Variants in BNC2 observed in about 807,000 individuals in gnomAD.
BNC2 encodes zinc finger protein basonuclin-2.
Under a neutral mutation model 76.3 loss-of-function variants are expected in BNC2, and 20 were observed. The observed-to-expected ratio is 0.26, with a 90% CI of 0.18 to 0.38. The LOEUF (loss-of-function observed/expected upper bound fraction) is 0.38, where lower values mean the gene tolerates loss of function less well. BNC2 is among the 10% of genes least tolerant of loss of function. The probability of loss-of-function intolerance (pLI) is 1.00; values close to 1 mark genes in which losing one functional copy is unlikely to be tolerated. For synonymous variants in BNC2, 582 were observed against 514.8 expected (o/e 1.13, Z -1.77); for missense variants, 1,382 against 1,399.8 (o/e 0.99, Z 0.20).
rs760952481 is a variant in BNC2 at position 16,410,579 on chromosome 9, G to C, written c.*8410C>G. On this transcript the variant is annotated 3_prime_UTR_variant, in exon 7 of 7. Transcript: ENST00000380672. ...ATCTTAGATAGTCTTATCAGGTTAAGATATAATACTAGAACATCTCATTCA... is the reference window on the plus strand; with the variant it reads ...ATCTTAGATAGTCTTATCAGGTTAACATATAATACTAGAACATCTCATTCA... 12 of 152,652 alleles carry C rather than the reference G, an allele frequency of 7.9e-5. No individual in the cohort carries two copies. The highest frequency in any genetic ancestry group is 1.8e-4 in the Non-Finnish European group (12 of 68,038). 9.5% of individuals were successfully genotyped at this position (152,652 alleles called of 1,614,324 possible).
intron 1 of BNC2, among the ~76,000 whole-genome samples, chr9:16,851,824 TC>T (rs1819134070): frequency 6.6e-6 from 1 of 152,210 alleles, no homozygotes; most frequent in Non-Finnish European, 1.5e-5. Flanking sequence ...AATAATTTTT[TC>T]AGTCACTGAA....
chr9:16,712,953 T>G (rs1263855958), intron 3 of BNC2, among the ~76,000 whole-genome samples: 1 of 152,154 alleles, frequency 6.6e-6, no homozygotes, highest in Non-Finnish European at 1.5e-5. Context: ...AGGTAGGAAC[T>G]AAAGACTAGG....
chr9:16,651,798 C>G (rs1020622772), intron 3 of BNC2, among the ~76,000 whole-genome samples: 1 of 152,078 alleles, frequency 6.6e-6, no homozygotes, highest in Non-Finnish European at 1.5e-5. Context: ...CAAGGGATAA[C>G]TCAACTGACA....
intron 6 of BNC2, among the ~76,000 whole-genome samples, chr9:16,425,975 G>A (rs557245610): frequency 6.6e-6 from 1 of 152,294 alleles, no homozygotes; most frequent in East Asian, 1.9e-4. Context: ...GCTTCTCAAG[G>A]GTGCTGATTA....
At chr9:16,575,190 A>G (rs1296957433) in intron 4 of BNC2, 2 of 885,114 alleles carry the variant, frequency 2.3e-6, no homozygotes, top group East Asian at 2.4e-4. Context: ...ACAGTAGGTG[A>G]CAGAGCCGCG....
At chr9:16,451,153 G>A (rs1821332041) in intron 5 of BNC2, among the ~76,000 whole-genome samples, 1 of 152,018 alleles carries the variant, frequency 6.6e-6, no homozygotes, top group Non-Finnish European at 1.5e-5. Flanking sequence ...TGTGTGTTTA[G>A]GGGAGACAAT....
At chr9:16,781,675 A>T (rs1383500604) in intron 1 of BNC2, among the ~76,000 whole-genome samples, 1 of 152,236 alleles carries the variant, frequency 6.6e-6, no homozygotes, top group South Asian at 2.1e-4. Context: ...AGAATTTTTA[A>T]AACAACAAGA....
chr9:16,427,893 G>T (rs1477633563), intron 6 of BNC2, among the ~76,000 whole-genome samples: 3 of 152,106 alleles, frequency 2.0e-5, no homozygotes, highest in Non-Finnish European at 4.4e-5. Flanking sequence ...GAAAGTCCTC[G>T]TGAACACCCG....
At chr9:16,659,147 C>CGGG (rs34748774) in intron 3 of BNC2, among the ~76,000 whole-genome samples, 4,809 of 149,552 alleles carry the variant, frequency 0.032, 126 homozygotes, top group Non-Finnish European at 0.045. Flanking sequence ...AGATGGATGG[C>CGGG]GGGGGGGGGC....
chr9:16,658,466 G>C (rs143830344), intron 3 of BNC2, among the ~76,000 whole-genome samples: 2 of 152,238 alleles, frequency 1.3e-5, no homozygotes, highest in African/African-American at 4.8e-5. Context: ...TCAAATGCTT[G>C]GGTAAATGCT....
chr9:16,596,323 G>T (rs1285309589), intron 3 of BNC2, among the ~76,000 whole-genome samples: 2 of 151,816 alleles, frequency 1.3e-5, no homozygotes, highest in African/African-American at 4.8e-5. Context: ...ATATCCAAGG[G>T]GCTTTTTATG....
At chr9:16,789,031 T>C (rs1817428432) in intron 1 of BNC2, among the ~76,000 whole-genome samples, 1 of 152,076 alleles carries the variant, frequency 6.6e-6, no homozygotes, top group Admixed American at 6.5e-5. Context: ...TCCAACCAAA[T>C]CTCACAGATA....
intron 5 of BNC2, among the ~76,000 whole-genome samples, chr9:16,521,355 A>T (rs1817613927): frequency 2.0e-5 from 3 of 152,226 alleles, no homozygotes; most frequent in South Asian, 2.1e-4. Context: ...CGGAAATAAA[A>T]GGTCTAAGTG....
At chr9:16,642,085 A>G (rs2133859772) in intron 3 of BNC2, among the ~76,000 whole-genome samples, 1 of 152,360 alleles carries the variant, frequency 6.6e-6, no homozygotes, top group Non-Finnish European at 1.5e-5. Flanking sequence ...CAAAATAAGT[A>G]GTGACCCTTC....
chr9:16,508,356 G>T (rs1199250109), intron 5 of BNC2, among the ~76,000 whole-genome samples: 1 of 152,152 alleles, frequency 6.6e-6, no homozygotes, highest in Non-Finnish European at 1.5e-5. Flanking sequence ...TACTTGGGTA[G>T]ACTGTATCAC....
At chr9:16,781,256 G>A (rs796865360) in intron 1 of BNC2, among the ~76,000 whole-genome samples, 12 of 10,160 alleles carry the variant, frequency 1.2e-3, no homozygotes, top group African/African-American at 4.4e-3. Context: ...GATCAGGGCT[G>A]GACTGATATT....
At chr9:16,533,291 A>C (rs544878322) in intron 5 of BNC2, among the ~76,000 whole-genome samples, 1 of 152,240 alleles carries the variant, frequency 6.6e-6, no homozygotes, top group Admixed American at 6.5e-5. Context: ...GGAAACAAAC[A>C]CAAAGATTAA....
At chr9:16,847,401 C>CGGGGGGGGGGGGG (rs869051853) in intron 1 of BNC2, among the ~76,000 whole-genome samples, 2 of 10,350 alleles carry the variant, frequency 1.9e-4, no homozygotes, top group African/African-American at 4.6e-4. Context: ...TTTCTCGGGG[C>CGGGGGGGGGGGGG]GGGGGGGGGG....
At chr9:16,844,874 T>C (rs1173758015) in intron 1 of BNC2, among the ~76,000 whole-genome samples, 1 of 152,216 alleles carries the variant, frequency 6.6e-6, no homozygotes, top group Admixed American at 6.5e-5. Flanking sequence ...GAACAACTCA[T>C]CACTGTATGT....
Sources: allele counts gnomAD v4.1 joint callset (sites outside exome capture counted in the v4.1 genomes callset), GRCh38; gene constraint gnomAD v4.1.1; transcripts MANE v1.5; gene names NCBI Gene and HGNC (gene_info 2026-07-23, HGNC 2026-07-21).